The following NTRK3 variants were observed in gnomAD, a reference collection of about 807,000 sequenced individuals.
The protein encoded by NTRK3 is NT-3 growth factor receptor.
In NTRK3, 24 loss-of-function variants were observed where a neutral mutation model predicts 91.7. The ratio of observed to expected loss-of-function variants is 0.26; its 90% CI spans 0.19 to 0.37. The LOEUF (loss-of-function observed/expected upper bound fraction) is 0.37. NTRK3 is among the 10% of genes least tolerant of loss of function. The probability of loss-of-function intolerance (pLI) is 1.00; values close to 1 mark genes in which losing one functional copy is unlikely to be tolerated. For missense variants in NTRK3, 880 were observed against 1,068.9 expected (o/e 0.82, Z 2.46); for synonymous variants, 483 against 404.0 (o/e 1.20, Z -2.34).
At chr15:88,247,613 G>C (rs1232609054) in intron 3 of NTRK3, among the ~76,000 whole-genome samples, 1 of 152,168 alleles carries the variant, frequency 6.6e-6, no homozygotes, top group East Asian at 1.9e-4. Flanking sequence ...GTGACCCTAC[G>C]GGGGTGCCGG....
exon 19 of NTRK3, chr15:87,873,507 G>C (rs1029293032): frequency 1.3e-5 from 3 of 231,760 alleles, no homozygotes; most frequent in African/African-American, 6.6e-5. Flanking sequence ...ATGGCAGAGA[G>C]ACCAGCCTGG....
intron 14 of NTRK3, among the ~76,000 whole-genome samples, chr15:88,006,971 G>A (rs1350959114): frequency 6.6e-6 from 1 of 152,174 alleles, no homozygotes; most frequent in East Asian, 1.9e-4. Context: ...GCTCAGCTGG[G>A]AGAGGCACAG....
chr15:88,212,442 G>T (rs1331002835), intron 3 of NTRK3, among the ~76,000 whole-genome samples: 1 of 152,156 alleles, frequency 6.6e-6, no homozygotes, highest in Non-Finnish European at 1.5e-5. Context: ...TTTAACACGT[G>T]CCCATAGTGC....
At chr15:88,167,249 G>C (rs1414008455) in intron 5 of NTRK3, among the ~76,000 whole-genome samples, 1 of 152,120 alleles carries the variant, frequency 6.6e-6, no homozygotes, top group African/African-American at 2.4e-5. Flanking sequence ...CATTTTCCAT[G>C]TCACAGGAAA....
At chr15:88,078,211 T>C (rs566924857) in intron 13 of NTRK3, among the ~76,000 whole-genome samples, 1 of 152,308 alleles carries the variant, frequency 6.6e-6, no homozygotes, top group Admixed American at 6.5e-5. Flanking sequence ...TCTGTTGCAA[T>C]GTACACCCTA....
At chr15:87,864,969 C>T (rs1158406031) in exon 19 of NTRK3, 1 of 215,168 alleles carries the variant, frequency 4.6e-6, no homozygotes, top group Admixed American at 5.8e-5. Context: ...TTTTTGTCTA[C>T]TGAACAGTAG....
At chr15:88,254,856 G>C (rs543864561) in intron 3 of NTRK3, among the ~76,000 whole-genome samples, 1 of 152,266 alleles carries the variant, frequency 6.6e-6, no homozygotes, top group South Asian at 2.1e-4. Context: ...TTCCAGTATG[G>C]TCCACACCCT....
chr15:88,034,157 G>C (rs2078863258), intron 13 of NTRK3, among the ~76,000 whole-genome samples: 1 of 152,156 alleles, frequency 6.6e-6, no homozygotes, highest in Non-Finnish European at 1.5e-5. Flanking sequence ...AGGGAGGTAA[G>C]TCCACTGTGG....
At chr15:88,084,184 G>A (rs770815278) in intron 13 of NTRK3, among the ~76,000 whole-genome samples, 7 of 151,564 alleles carry the variant, frequency 4.6e-5, no homozygotes, top group Non-Finnish European at 7.4e-5. Context: ...GCGCTCAGGG[G>A]TTCAAACTGC....
chr15:87,945,826 A>C (rs2070430471), intron 14 of NTRK3, among the ~76,000 whole-genome samples: 1 of 151,856 alleles, frequency 6.6e-6, no homozygotes, highest in East Asian at 1.9e-4. Context: ...AAAAAAAAAA[A>C]AAACAGATCT....
intron 13 of NTRK3, among the ~76,000 whole-genome samples, chr15:88,107,000 A>G (rs1200059550): frequency 3.3e-5 from 5 of 152,156 alleles, no homozygotes; most frequent in African/African-American, 4.8e-5. Flanking sequence ...TTACATAGAT[A>G]TATGTGCATA....
chr15:88,240,716 C>T lies in NTRK3; in HGVS notation c.248+15190G>A, dbSNP rs1249871072. Among the ~76,000 whole-genome samples the T allele has an allele frequency of 6.6e-6, 1 of 152,240 alleles. No individual in the cohort carries two copies. The highest frequency in any genetic ancestry group is 1.5e-5 in the Non-Finnish European group (1 of 68,034). ...TGTAAAATGAGGATGATCGTGGGAC[C>T]TGCCATGTCACTGTGCTGAGAATGG... On this transcript the variant is annotated intron_variant, in intron 3 of 18. Transcript: ENST00000394480. The surrounding 1 kb of genome is among the most constrained non-coding windows in gnomAD (Gnocchi z 4.9).
At chr15:88,092,784 C>T in intron 13 of NTRK3, among the ~76,000 whole-genome samples, 1 of 152,190 alleles carries the variant, frequency 6.6e-6, no homozygotes, top group East Asian at 1.9e-4. Flanking sequence ...GGCTACATCA[C>T]TCCAATCTTC....
chr15:88,074,049 G>T (rs1257896647), intron 13 of NTRK3, among the ~76,000 whole-genome samples: 1 of 152,202 alleles, frequency 6.6e-6, no homozygotes, highest in Non-Finnish European at 1.5e-5. Context: ...TGTCTCTCCG[G>T]AATATGCAGG....
chr15:88,245,986 G>A (rs189464332), intron 3 of NTRK3, among the ~76,000 whole-genome samples: 83 of 152,318 alleles, frequency 5.4e-4, no homozygotes, highest in African/African-American at 1.9e-3. Context: ...AGTGGGGAAA[G>A]ATGGACCACA....
At chr15:88,134,990 A>T (rs1043137274) in intron 10 of NTRK3, 111 bp downstream of exon 10, 27 of 1,301,402 alleles carry the variant, frequency 2.1e-5, no homozygotes, top group Non-Finnish European at 2.9e-5. Context: ...TTTGTTGCCC[A>T]TGATAACAGT....
At chr15:88,174,848 G>T (rs1490573421) in intron 5 of NTRK3, among the ~76,000 whole-genome samples, 1 of 152,216 alleles carries the variant, frequency 6.6e-6, no homozygotes, top group Non-Finnish European at 1.5e-5. Context: ...CCTTGTGCTG[G>T]AAGTCCCTGG....
At chr15:88,137,372 G>C in intron 7 of NTRK3, 32 bp downstream of exon 7, 1 of 1,611,396 alleles carries the variant, frequency 6.2e-7, no homozygotes, top group South Asian at 1.1e-5. Context: ...TGCCTCCCTG[G>C]AGCCAGCTGG....
chr15:88,078,146 G>A (rs2047718240), intron 13 of NTRK3, among the ~76,000 whole-genome samples: 1 of 150,452 alleles, frequency 6.6e-6, no homozygotes. Context: ...GAACAGATGG[G>A]TCTCTTGACA....
Sources: allele counts gnomAD v4.1 joint callset (sites outside exome capture counted in the v4.1 genomes callset), GRCh38; gene constraint gnomAD v4.1.1; non-coding constraint Gnocchi (gnomAD v3.1); transcripts MANE v1.5; gene names NCBI Gene and HGNC (gene_info 2026-07-23, HGNC 2026-07-21).